FADS2: variants seen among roughly 807,000 people sequenced by gnomAD.
The protein encoded by FADS2 is acyl-CoA 6-desaturase.
Under a neutral mutation model 61.2 loss-of-function variants are expected in FADS2, and 18 were observed. The observed-to-expected ratio is 0.29, with a 90% CI of 0.20 to 0.44. The LOEUF (loss-of-function observed/expected upper bound fraction) is 0.44. FADS2 is among the 20% of genes least tolerant of loss of function. The probability of loss-of-function intolerance (pLI) is 1.00; values close to 1 mark genes in which losing one functional copy is unlikely to be tolerated. For synonymous variants in FADS2, 203 were observed against 223.9 expected (o/e 0.91, Z 0.83); for missense variants, 322 against 572.7 (o/e 0.56, Z 4.47).
chr11:61,842,650 C>T (rs2067225995), intron 4 of FADS2, among the ~76,000 whole-genome samples: 1 of 152,216 alleles, frequency 6.6e-6, no homozygotes, highest in Non-Finnish European at 1.5e-5. Context: ...GTGGGCTCCA[C>T]TCATGGCCCA....
chr11:61,853,722 G>A (rs174598), intron 5 of FADS2, among the ~76,000 whole-genome samples: 52,428 of 151,790 alleles, frequency 0.35, 9,713 homozygotes, highest in East Asian at 0.56. Flanking sequence ...CCGCCCTCTC[G>A]GGGACCTTGG....
rs770464700 is a variant in FADS2 at position 61,865,701 on chromosome 11, C to T, written c.*12C>T. 25 of 1,607,808 alleles carry T rather than the reference C, an allele frequency of 1.6e-5. No homozygotes were observed. The highest frequency in any genetic ancestry group is 2.0e-5 in the Non-Finnish European group (23 of 1,176,326). Reference sequence around the variant, plus strand: ...ACCTTCACAAATGAAGCCACAGCCCCCGGGACACCGTGGGGAAGGGGTGCA... The same window carrying T: ...ACCTTCACAAATGAAGCCACAGCCCTCGGGACACCGTGGGGAAGGGGTGCA... On this transcript the variant is annotated 3_prime_UTR_variant, in exon 12 of 12. Transcript: ENST00000278840. The surrounding 1 kb of genome is among the most constrained non-coding windows in gnomAD (Gnocchi z 4.1).
At chr11:61,844,435 G>T (rs1323178073) in intron 4 of FADS2, among the ~76,000 whole-genome samples, 1 of 152,080 alleles carries the variant, frequency 6.6e-6, no homozygotes, top group Non-Finnish European at 1.5e-5. Context: ...GCCAGGCGAG[G>T]GTGCTCGGGA....
Position 61,837,898 on chromosome 11 carries a change from G to A in FADS2, c.318+10G>A. ...GGACCACGGCAAGAACGTAAGTCTG[G>A]CTTGCAACCTGGGTGGGGGTGGAGA... On this transcript the variant is annotated intron_variant, in intron 2 of 11. Coordinates refer to ENST00000278840, the MANE Select transcript of FADS2 (RefSeq NM_004265.4). 1 of 1,600,078 alleles carries A rather than the reference G, an allele frequency of 6.2e-7. No homozygotes were observed. The highest frequency in any genetic ancestry group is 8.6e-7 in the Non-Finnish European group (1 of 1,169,154).
At chr11:61,821,352 C>A (rs1287299292) in intron 1 of FADS2, 1 of 699,274 alleles carries the variant, frequency 1.4e-6, no homozygotes, top group Non-Finnish European at 2.6e-6. Flanking sequence ...AGACCCCTTC[C>A]TAACTGTCCC....
At chr11:61,861,171 G>A (rs779174074) in intron 7 of FADS2, among the ~76,000 whole-genome samples, 8 of 151,688 alleles carry the variant, frequency 5.3e-5, no homozygotes, top group South Asian at 2.1e-4. Context: ...TGGCGAACAC[G>A]GTGAAACCCC....
Position 61,866,942 on chromosome 11 carries a change from G to C in FADS2, c.*1253G>C, listed in dbSNP as rs1346325895. The C allele has an allele frequency of 6.6e-6, 1 of 152,556 alleles. No individual in the cohort carries two copies. 9.5% of individuals were successfully genotyped at this position (152,556 alleles called of 1,614,324 possible). A position where few individuals can be genotyped will look rare whatever the true frequency, so the allele number is the denominator to read the frequency against. ...GCTGCCCTGAGGGGCTGGGGAGGGG[G>C]TACCTCATGAGGACCAGGGTGGAGC... is the stretch of plus-strand genomic sequence containing the variant. On this transcript the variant is annotated 3_prime_UTR_variant, in exon 12 of 12. Coordinates refer to ENST00000278840, the MANE Select transcript of FADS2 (RefSeq NM_004265.4).
At position 61,863,703 on chromosome 11, in the gene FADS2, A is replaced by G; in HGVS notation, c.1078-4A>G. On this transcript the variant is annotated splice_polypyrimidine_tract_variant and splice_region_variant and intron_variant, in intron 9 of 11. Coordinates refer to ENST00000278840, the MANE Select transcript of FADS2 (RefSeq NM_004265.4). ...TCCCTGACACTCATCCCCTCCACTG[A>G]CAGCTGACAGCCACCTGCAACGTGG... The G allele has an allele frequency of 6.2e-7, 1 of 1,613,364 alleles. No homozygotes were observed. The highest frequency in any genetic ancestry group is 8.5e-7 in the Non-Finnish European group (1 of 1,179,336).
Position 61,866,333 on chromosome 11 carries a change from A to C in FADS2, c.*644A>C, listed in dbSNP as rs1437800414. ...GCCAGCCCAAACCTTGGGCCCTGGA[A>C]GAGTCCTCCACCCCATCACTAGAGT... On this transcript the variant is annotated 3_prime_UTR_variant, in exon 12 of 12. Transcript: ENST00000278840. The C allele has an allele frequency of 1.3e-5, 3 of 230,008 alleles. No individual in the cohort carries two copies. 14.2% of individuals were successfully genotyped at this position (230,008 alleles called of 1,614,324 possible).
intron 5 of FADS2, among the ~76,000 whole-genome samples, chr11:61,850,583 G>A (rs754317578): frequency 1.1e-4 from 16 of 151,554 alleles, no homozygotes; most frequent in Non-Finnish European, 1.9e-4. Flanking sequence ...CCACCAATGC[G>A]TTCCACAAAA....
chr11:61,863,578 G>A (rs1397730281), intron 9 of FADS2, 129 bp from the exon 10 acceptor site: 23 of 822,740 alleles, frequency 2.8e-5, no homozygotes, highest in Non-Finnish European at 6.0e-6. Flanking sequence ...GTGGGCTGAG[G>A]CCATCAGGCA....
chr11:61,816,531 G>A lies in FADS2; in HGVS notation c.141+105G>A, dbSNP rs2066985625. The A allele has an allele frequency of 8.1e-6, 13 of 1,597,332 alleles. No individual in the cohort carries two copies. The highest frequency in any genetic ancestry group is 1.1e-5 in the Non-Finnish European group (13 of 1,173,578). On this transcript the variant is annotated intron_variant, in intron 1 of 11. Transcript: ENST00000257261. This position sits in a 1 kb window ranked among gnomAD's most constrained non-coding sequence, Gnocchi z 7.0. ...TCAGCCTCCGGTCCCGCCCTCTCCT[G>A]TGCCCCCGCCTGGCTGCGCTCACCG...
intron 7 of FADS2, among the ~76,000 whole-genome samples, chr11:61,861,388 G>A (rs936990398): frequency 2.5e-5 from 3 of 121,422 alleles, no homozygotes; most frequent in Admixed American, 7.8e-5. Flanking sequence ...TTAGCTACTC[G>A]GGAGGCTGAG....
chr11:61,854,090 CA>C (rs993230112), intron 5 of FADS2: 9 of 152,426 alleles, frequency 5.9e-5, no homozygotes, highest in African/African-American at 1.9e-4. Flanking sequence ...TGTTGCTGAT[CA>C]GGGGGAGGTC....
chr11:61,864,186 GT>G (rs551908563), intron 10 of FADS2: 14,540 of 144,722 alleles, frequency 0.1, 708 homozygotes, highest in African/African-American at 0.11. Flanking sequence ...TCTTGTCACT[GT>G]TTTTTTTTTT....
Position 61,816,690 on chromosome 11 carries a change from G to A in FADS2, c.141+264G>A. The A allele has an allele frequency of 1.3e-6, 2 of 1,585,196 alleles. No individual in the cohort carries two copies. Among genetic ancestry groups the A allele is most frequent in the East Asian group, 2.3e-5 (1 of 43,388 alleles). On this transcript the variant is annotated intron_variant, in intron 1 of 11. Transcript: ENST00000257261. The surrounding 1 kb of genome is among the most constrained non-coding windows in gnomAD (Gnocchi z 7.0). Reference sequence around the variant, plus strand: ...CGCACCCTGAGCGCTGGGCCACCTCGTCCCAGGTGAAGTAGCGCGGGGTAG... The same window carrying A: ...CGCACCCTGAGCGCTGGGCCACCTCATCCCAGGTGAAGTAGCGCGGGGTAG...
Position 61,865,807 on chromosome 11 carries a change from C to A in FADS2, c.*118C>A. 1 of 795,002 alleles carries A rather than the reference C, an allele frequency of 1.3e-6. No individual in the cohort carries two copies. The highest frequency in any genetic ancestry group is 2.1e-6 in the Non-Finnish European group (1 of 480,118). 49.2% of individuals were successfully genotyped at this position (795,002 alleles called of 1,614,324 possible). ...GCTGGTGTATGCACTGCTCACGGAC[C>A]CCATGTTGGATCTTTCTCCCTTTCT... is the stretch of plus-strand genomic sequence containing the variant. On this transcript the variant is annotated 3_prime_UTR_variant, in exon 12 of 12. Transcript: ENST00000278840. This position sits in a 1 kb window ranked among gnomAD's most constrained non-coding sequence, Gnocchi z 4.1.
chr11:61,843,946 C>G (rs896515349), intron 4 of FADS2, among the ~76,000 whole-genome samples: 4 of 152,004 alleles, frequency 2.6e-5, no homozygotes, highest in African/African-American at 9.7e-5. Flanking sequence ...CAGGCATGAG[C>G]CACCACGCCC....
chr11:61,857,121 G>A (rs775094901), intron 6 of FADS2, 50 bp downstream of exon 6: 1 of 1,472,790 alleles, frequency 6.8e-7, no homozygotes, highest in African/African-American at 1.4e-5. Context: ...CCTCCCCCCA[G>A]AGTGGCGTGT....
Sources: allele counts gnomAD v4.1 joint callset (sites outside exome capture counted in the v4.1 genomes callset), GRCh38; gene constraint gnomAD v4.1.1; non-coding constraint Gnocchi (gnomAD v3.1); transcripts MANE v1.5; gene names NCBI Gene and HGNC (gene_info 2026-07-23, HGNC 2026-07-21).